TAX1BP1: variants seen among roughly 807,000 people sequenced by gnomAD.
TAX1BP1 encodes the protein Tax1 binding protein 1.
A neutral mutation model predicts 97.7 loss-of-function variants in TAX1BP1; 62 were observed. The ratio of observed to expected loss-of-function variants is 0.63; its 90% CI spans 0.52 to 0.78. The LOEUF (loss-of-function observed/expected upper bound fraction) is 0.78, where lower values mean the gene tolerates loss of function less well. TAX1BP1 is among the 30% of genes least tolerant of loss of function. The pLI, the probability that TAX1BP1 is intolerant of heterozygous loss-of-function variation, is 0.00. For synonymous variants in TAX1BP1, 340 were observed against 304.2 expected (o/e 1.12, Z -1.23); for missense variants, 867 against 916.1 (o/e 0.95, Z 0.69).
chr7:27,751,666 A>G (rs543249188), intron 2 of TAX1BP1, among the ~76,000 whole-genome samples: 1 of 152,186 alleles, frequency 6.6e-6, no homozygotes, highest in South Asian at 2.1e-4. Context: ...TGCCCTCTAG[A>G]GTGATTTTGA....
In TAX1BP1 at chr7:27,769,814, C is replaced by T; in HGVS notation, c.592C>T (p.Gln198Ter). 6.2e-7 allele frequency: 1 copy of T among 1,611,986 alleles called. No individual in the cohort carries two copies. Among genetic ancestry groups the T allele is most frequent in the Non-Finnish European group, 8.5e-7 (1 of 1,178,708 alleles). ...ELNHEKERCD[Q>*]LQAEQKGLTE... ...TAACCATGAGAAAGAAAGATGTGAC[C>T]AACTGCAAGCAGAACAAAAGGTTAG... The change falls in exon 5 of 17, where the codon CAA (glutamine) becomes TAA (stop). Residue 198 changes from glutamine (Q) to a stop codon, truncating the protein, a stop_gained. Transcript: ENST00000396319. LOFTEE classifies it high-confidence loss of function.
chr7:27,796,288 T>G, intron 12 of TAX1BP1, 69 bp downstream of exon 12: 3 of 1,236,318 alleles, frequency 2.4e-6, no homozygotes, highest in Non-Finnish European at 3.4e-6. Flanking sequence ...CTTTATTGTT[T>G]CAATTGATTG....
intron 5 of TAX1BP1, among the ~76,000 whole-genome samples, chr7:27,783,133 A>G (rs982000207): frequency 1.3e-5 from 2 of 152,096 alleles, no homozygotes; most frequent in Non-Finnish European, 2.9e-5. Flanking sequence ...CCCAATTTTT[A>G]TGATTGTTTT....
intron 8 of TAX1BP1, among the ~76,000 whole-genome samples, chr7:27,790,993 T>C (rs1789683570): frequency 6.6e-6 from 1 of 152,184 alleles, no homozygotes. Context: ...TCATGACTTT[T>C]GACTTTTGTT....
chr7:27,788,606 T>TA (rs1366341703), intron 8 of TAX1BP1, among the ~76,000 whole-genome samples: 2 of 152,098 alleles, frequency 1.3e-5, no homozygotes, highest in Admixed American at 6.5e-5. Flanking sequence ...ACTTTGGACT[T>TA]ACTGATTTTT....
intron 1 of TAX1BP1, among the ~76,000 whole-genome samples, chr7:27,742,669 T>C (rs972147580): frequency 9.9e-5 from 15 of 152,206 alleles, no homozygotes; most frequent in Non-Finnish European, 7.3e-5. Flanking sequence ...GGTTTCTCCA[T>C]GTTGGTCAGG....
chr7:27,799,222 C>T (rs531242369), intron 12 of TAX1BP1, among the ~76,000 whole-genome samples: 126 of 152,148 alleles, frequency 8.3e-4, no homozygotes, highest in South Asian at 3.5e-3. Flanking sequence ...ACTGACCTAG[C>T]GTTATTTGTT....
chr7:27,809,965 T>C (rs1448353724), intron 13 of TAX1BP1, among the ~76,000 whole-genome samples: 1 of 152,054 alleles, frequency 6.6e-6, no homozygotes, highest in Non-Finnish European at 1.5e-5. Context: ...TGGAGTGCAG[T>C]GGCGCGATCT....
chr7:27,827,856 T>C, intron 16 of TAX1BP1, 36 bp downstream of exon 16: 1 of 1,582,274 alleles, frequency 6.3e-7, no homozygotes, highest in Non-Finnish European at 8.7e-7. Context: ...ATTTGGGTTA[T>C]ATCGGCCAGT....
intron 5 of TAX1BP1, among the ~76,000 whole-genome samples, chr7:27,782,402 G>A (rs1327137096): frequency 6.6e-6 from 1 of 151,728 alleles, no homozygotes; most frequent in Admixed American, 6.6e-5. Flanking sequence ...ACCACGCCCA[G>A]CTAATTTTTT....
intron 2 of TAX1BP1, among the ~76,000 whole-genome samples, chr7:27,757,444 T>C (rs777568598): frequency 3.3e-5 from 5 of 152,072 alleles, no homozygotes; most frequent in Non-Finnish European, 7.4e-5. Context: ...TTAGTGAATT[T>C]AGTGGATTTA....
upstream of TAX1BP1, chr7:27,739,491 G>C (rs1787485807): frequency 6.6e-6 from 1 of 152,186 alleles, no homozygotes; most frequent in Non-Finnish European, 1.5e-5. Context: ...AGTGATTTTA[G>C]AAATAACAGA....
At chr7:27,787,719 C>G in intron 8 of TAX1BP1, 116 bp downstream of exon 8, 1 of 962,582 alleles carries the variant, frequency 1.0e-6, no homozygotes, top group East Asian at 2.8e-5. Context: ...TTCAAACTTA[C>G]AAAACAGTTG....
In TAX1BP1 at chr7:27,759,663, C is replaced by T. The variant is rs114190182; in HGVS notation, c.265+1530C>T. The stretch of plus-strand genomic sequence containing the variant: ...GGCTATTAATAATTAAGACTTTTTC[C>T]TCTGGGTTTCTCATATCTTTAAGCA... On this transcript the variant is annotated intron_variant, in intron 3 of 16. Transcript: ENST00000396319. Among the ~76,000 whole-genome samples the T allele has an allele frequency of 4.5e-3, 676 of 151,328 alleles. 8 individuals are homozygous for T. The highest frequency in any genetic ancestry group is 0.016 in the African/African-American group (664 of 41,264).
At chr7:27,756,067 CAG>C (rs1248741855) in intron 2 of TAX1BP1, among the ~76,000 whole-genome samples, 2 of 152,144 alleles carry the variant, frequency 1.3e-5, no homozygotes, top group Non-Finnish European at 2.9e-5. Flanking sequence ...GAAAATAAAA[CAG>C]AGAATCAACC....
At chr7:27,812,823 A>G (rs1790609902) in intron 13 of TAX1BP1, among the ~76,000 whole-genome samples, 1 of 152,142 alleles carries the variant, frequency 6.6e-6, no homozygotes, top group African/African-American at 2.4e-5. Flanking sequence ...TCTATATTCT[A>G]TTTTATTGAT....
chr7:27,815,959 A>G (rs6462053), intron 13 of TAX1BP1, among the ~76,000 whole-genome samples: 118,021 of 152,108 alleles, frequency 0.78, 46,874 homozygotes, highest in African/African-American at 0.95. Flanking sequence ...GCTTGAACCC[A>G]GGAGGTGGAG....
intron 13 of TAX1BP1, among the ~76,000 whole-genome samples, chr7:27,815,574 G>C (rs1157119858): frequency 1.3e-5 from 2 of 152,058 alleles, no homozygotes; most frequent in Non-Finnish European, 2.9e-5. Context: ...ATATTTATGA[G>C]GGATAAGGTC....
intron 12 of TAX1BP1, among the ~76,000 whole-genome samples, chr7:27,798,388 G>A (rs1005800747): frequency 2.0e-5 from 3 of 151,988 alleles, no homozygotes; most frequent in African/African-American, 7.2e-5. Flanking sequence ...TACCTCCTGG[G>A]TGCAGTGGCT....
Sources: allele counts gnomAD v4.1 joint callset (sites outside exome capture counted in the v4.1 genomes callset), GRCh38; gene constraint gnomAD v4.1.1; transcripts MANE v1.5; gene names NCBI Gene and HGNC (gene_info 2026-07-23, HGNC 2026-07-21).